The following CNTN4 variants were observed in gnomAD, a reference collection of about 807,000 sequenced individuals.
CNTN4 encodes the protein contactin 4.
Under a neutral mutation model 122.5 loss-of-function variants are expected in CNTN4, and 77 were observed. The ratio of observed to expected loss-of-function variants is 0.63; its 90% CI spans 0.52 to 0.76. The LOEUF (loss-of-function observed/expected upper bound fraction) is 0.76. CNTN4 is among the 30% of genes least tolerant of loss of function. The probability of loss-of-function intolerance (pLI) is 0.00; values close to 1 mark genes in which losing one functional copy is unlikely to be tolerated. For synonymous variants in CNTN4, 512 were observed against 447.0 expected (o/e 1.15, Z -1.83); for missense variants, 1,256 against 1,259.1 (o/e 1.00, Z 0.04).
At chr3:2,485,022 G>T (rs968645682) in intron 3 of CNTN4, among the ~76,000 whole-genome samples, 1 of 152,212 alleles carries the variant, frequency 6.6e-6, no homozygotes, top group Admixed American at 6.5e-5. Context: ...GGTGCCACTG[G>T]CCCCGGGCAG....
At chr3:2,823,286 G>A (rs1055111118) in intron 7 of CNTN4, among the ~76,000 whole-genome samples, 16 of 152,164 alleles carry the variant, frequency 1.1e-4, no homozygotes, top group African/African-American at 3.6e-4. Flanking sequence ...TATCAGTGGG[G>A]TACTGAGTAA....
chr3:2,583,080 A>T (rs1056545233), intron 4 of CNTN4, among the ~76,000 whole-genome samples: 11 of 152,212 alleles, frequency 7.2e-5, no homozygotes, highest in African/African-American at 2.7e-4. Context: ...CATGCGTGAC[A>T]TCTATACCAG....
intron 4 of CNTN4, among the ~76,000 whole-genome samples, chr3:2,600,186 T>A (rs1006802193): frequency 6.6e-6 from 1 of 151,796 alleles, no homozygotes; most frequent in Non-Finnish European, 1.5e-5. Context: ...ATTATATGAT[T>A]GTTAGACCTT....
intron 14 of CNTN4, among the ~76,000 whole-genome samples, chr3:3,010,177 G>A (rs1292196283): frequency 6.6e-6 from 1 of 152,006 alleles, no homozygotes; most frequent in Non-Finnish European, 1.5e-5. Context: ...GAATACTTCT[G>A]GGATGGGGAG....
chr3:2,972,325 C>T (rs1693002521), intron 13 of CNTN4, among the ~76,000 whole-genome samples: 1 of 152,092 alleles, frequency 6.6e-6, no homozygotes, highest in South Asian at 2.1e-4. Flanking sequence ...CACATACACT[C>T]ACTCCTACAC....
intron 13 of CNTN4, among the ~76,000 whole-genome samples, chr3:2,969,516 GATTATTATT>G (rs57712177): frequency 8.2e-6 from 1 of 121,466 alleles, no homozygotes; most frequent in Non-Finnish European, 1.5e-5. Context: ...GGAAAATTGG[GATTATTATT>G]ATTATTATTA....
intron 3 of CNTN4, among the ~76,000 whole-genome samples, chr3:2,568,124 T>C (rs2079256101): frequency 6.6e-6 from 1 of 152,082 alleles, no homozygotes; most frequent in South Asian, 2.1e-4. Context: ...AGCAACATTT[T>C]AATTCAGCAG....
chr3:2,367,535 A>AT (rs1188813562), intron 3 of CNTN4, among the ~76,000 whole-genome samples: 4 of 151,870 alleles, frequency 2.6e-5, no homozygotes, highest in South Asian at 2.1e-4. Flanking sequence ...TTTTATTTTT[A>AT]TTTTTTGAGA....
intron 3 of CNTN4, among the ~76,000 whole-genome samples, chr3:2,487,808 C>A (rs2076205632): frequency 6.6e-6 from 1 of 152,134 alleles, no homozygotes; most frequent in Non-Finnish European, 1.5e-5. Context: ...GTATTTGGCA[C>A]ATAGAGTTGA....
At chr3:2,944,647 C>G (rs2094655269) in intron 13 of CNTN4, among the ~76,000 whole-genome samples, 1 of 152,124 alleles carries the variant, frequency 6.6e-6, no homozygotes, top group South Asian at 2.1e-4. Flanking sequence ...TAGCCTCTGC[C>G]TTTATTTAAC....
At chr3:2,430,772 T>A (rs1345332852) in intron 3 of CNTN4, among the ~76,000 whole-genome samples, 1 of 152,204 alleles carries the variant, frequency 6.6e-6, no homozygotes, top group East Asian at 1.9e-4. Context: ...TCTACATGTG[T>A]TGTTATTTTA....
chr3:2,271,652 T>G (rs762965407), intron 2 of CNTN4, among the ~76,000 whole-genome samples: 16 of 152,162 alleles, frequency 1.1e-4, no homozygotes, highest in African/African-American at 3.9e-4. Flanking sequence ...CTTTTCTTCC[T>G]AGATTACCTT....
At chr3:2,722,987 G>A (rs1405817711) in intron 4 of CNTN4, among the ~76,000 whole-genome samples, 2 of 152,118 alleles carry the variant, frequency 1.3e-5, no homozygotes, top group Non-Finnish European at 2.9e-5. Context: ...GCTGTCTATT[G>A]AAGGGAAATG....
intron 3 of CNTN4, among the ~76,000 whole-genome samples, chr3:2,397,676 A>G (rs1323263288): frequency 1.3e-5 from 2 of 152,190 alleles, no homozygotes; most frequent in Non-Finnish European, 2.9e-5. Flanking sequence ...TGGGGGTTCT[A>G]TGAATGGAAA....
intron 3 of CNTN4, among the ~76,000 whole-genome samples, chr3:2,510,077 C>T (rs570286567): frequency 2.0e-5 from 3 of 152,262 alleles, no homozygotes; most frequent in East Asian, 3.9e-4. Flanking sequence ...CATGATGTTT[C>T]AAGTTTTCTG....
chr3:2,616,491 C>T (rs1370609671), intron 4 of CNTN4, among the ~76,000 whole-genome samples: 2 of 152,076 alleles, frequency 1.3e-5, no homozygotes, highest in African/African-American at 4.8e-5. Flanking sequence ...TGGGTATATA[C>T]CCAGTAATGG....
chr3:2,494,349 T>G (rs2076396358), intron 3 of CNTN4, among the ~76,000 whole-genome samples: 2 of 152,186 alleles, frequency 1.3e-5, no homozygotes, highest in South Asian at 4.1e-4. Context: ...ACCTGAAGCA[T>G]GTGGCAGGGG....
At chr3:2,677,085 G>C (rs1158980840) in intron 4 of CNTN4, among the ~76,000 whole-genome samples, 1 of 151,658 alleles carries the variant, frequency 6.6e-6, no homozygotes, top group Non-Finnish European at 1.5e-5. Context: ...TAGCACACTG[G>C]ATTCTATTCT....
intron 8 of CNTN4, among the ~76,000 whole-genome samples, chr3:2,873,198 A>C (rs1430615339): frequency 6.6e-6 from 1 of 152,222 alleles, no homozygotes; most frequent in Non-Finnish European, 1.5e-5. Flanking sequence ...CTTCTCAGCT[A>C]TGCAAAATGG....
Sources: gnomAD v4.1 joint callset for allele counts (sites outside exome capture counted in the v4.1 genomes callset) on GRCh38, gnomAD v4.1.1 for gene constraint, MANE v1.5 for transcripts, NCBI Gene and HGNC (gene_info 2026-07-23, HGNC 2026-07-21) for gene names.